Variants in ACYP2 observed in about 807,000 individuals in gnomAD.
ACYP2 encodes the protein acylphosphatase 2, also known as acylphosphatase-2.
In ACYP2, 12 loss-of-function variants were observed where a neutral mutation model predicts 11.2. The ratio of observed to expected loss-of-function variants is 1.08; its 90% confidence interval spans 0.69 to 1.74. The LOEUF (loss-of-function observed/expected upper bound fraction) is 1.74. Among genes scored for constraint, ACYP2 ranks in the 40% most tolerant of loss-of-function variants. The pLI is 0.00. For missense variants in ACYP2, 134 were observed against 101.9 expected, an observed-to-expected ratio of 1.31 and a Z score of -1.35; for synonymous variants, 43 against 32.2, an observed-to-expected ratio of 1.33 and a Z score of -1.13.
intron 6 of ACYP2, among the ~76,000 whole-genome samples, chr2:54,201,680 T>TTCTTTCTCTCTCTC (rs1395606887): frequency 6.5e-5 from 7 of 107,294 alleles, no homozygotes; most frequent in African/African-American, 2.2e-4. Flanking sequence ...CTTTCTTTCT[T>TTCTTTCTCTCTCTC]TCTCTCTCTC....
chr2:54,150,776 C>T (rs1165976811), intron 6 of ACYP2, among the ~76,000 whole-genome samples: 2 of 135,902 alleles, frequency 1.5e-5, no homozygotes, highest in Non-Finnish European at 3.1e-5. Context: ...GAGTCTTGCT[C>T]TGTCGCCCAG....
chr2:54,303,652 T>G (rs764918275), intron 6 of ACYP2, among the ~76,000 whole-genome samples: 8 of 152,240 alleles, frequency 5.3e-5, no homozygotes, highest in Non-Finnish European at 1.2e-4. Flanking sequence ...ATTGGAATTC[T>G]TCTCTATAAA....
chr2:53,975,628 C>G (rs561858493), intron 2 of ACYP2, among the ~76,000 whole-genome samples: 1 of 152,176 alleles, frequency 6.6e-6, no homozygotes, highest in South Asian at 2.1e-4. Context: ...GTCAGGAGAT[C>G]AAGAGCATCC....
At chr2:54,140,029 C>T (rs930320617) in intron 6 of ACYP2, among the ~76,000 whole-genome samples, 2 of 152,036 alleles carry the variant, frequency 1.3e-5, no homozygotes, top group Non-Finnish European at 2.9e-5. Flanking sequence ...TAAATGTTTA[C>T]GTGCATACTT....
chr2:54,264,421 C>T (rs1687923938), intron 6 of ACYP2, among the ~76,000 whole-genome samples: 1 of 152,176 alleles, frequency 6.6e-6, no homozygotes, highest in Non-Finnish European at 1.5e-5. Flanking sequence ...TCTAGCTAGG[C>T]AGAAAAGTTT....
intron 6 of ACYP2, among the ~76,000 whole-genome samples, chr2:54,226,386 T>C (rs951333668): frequency 6.6e-6 from 1 of 152,258 alleles, no homozygotes; most frequent in Non-Finnish European, 1.5e-5. Context: ...TATTACTGGC[T>C]GTAGGCAGTC....
intron 2 of ACYP2, among the ~76,000 whole-genome samples, chr2:53,984,772 CCAAAA>C (rs757214701): frequency 2.4e-4 from 37 of 151,752 alleles, no homozygotes; most frequent in Non-Finnish European, 4.4e-4. Context: ...GCAAGACAAA[CCAAAA>C]CAAAACAAAA....
intron 6 of ACYP2, among the ~76,000 whole-genome samples, chr2:54,207,906 G>A (rs895177428): frequency 6.6e-6 from 1 of 152,188 alleles, no homozygotes; most frequent in Admixed American, 6.5e-5. Flanking sequence ...CGCATACTTA[G>A]AAGAGCGGCC....
At chr2:54,254,871 C>A (rs757861822) in intron 6 of ACYP2, 1 of 1,569,526 alleles carries the variant, frequency 6.4e-7, no homozygotes. Flanking sequence ...TCAGGTCCAG[C>A]TGGTGGTGGC....
At chr2:54,044,292 G>A (rs900577072) in intron 2 of ACYP2, among the ~76,000 whole-genome samples, 1 of 152,190 alleles carries the variant, frequency 6.6e-6, no homozygotes, top group Non-Finnish European at 1.5e-5. Flanking sequence ...GTTTTGGAAA[G>A]CTTTTCAAAA....
At chr2:54,242,802 A>T (rs1473963093) in intron 6 of ACYP2, among the ~76,000 whole-genome samples, 2 of 152,224 alleles carry the variant, frequency 1.3e-5, no homozygotes, top group Non-Finnish European at 2.9e-5. Context: ...GTGGGTAGTA[A>T]GCTATACCAT....
chr2:54,018,816 C>T (rs13401851), intron 2 of ACYP2, among the ~76,000 whole-genome samples: 3,183 of 152,144 alleles, frequency 0.021, 109 homozygotes, highest in African/African-American at 0.073. Flanking sequence ...GGCTCCATCT[C>T]GGCTCACTAC....
chr2:53,994,512 C>CAAA lies in ACYP2; in HGVS notation c.62+20703_62+20704insAAA, dbSNP rs759787287. Among the ~76,000 whole-genome samples, 8 of 30,512 alleles carry CAAA rather than the reference C, an allele frequency of 2.6e-4. 3 individuals carry two copies. Among genetic ancestry groups the CAAA allele is most frequent in the East Asian group, 1.6e-3 (1 of 616 alleles). The allele number at this position is 30,512 out of a possible 152,430, so 20.0% of individuals were successfully genotyped here. A position where few individuals can be genotyped will look rare whatever the true frequency, so the allele number is the denominator to read the frequency against. ...CCAGCCTGGGTGACAGAGTAAGACT[C>CAAA]AGAAAAAAAAAAAAAAAAAAGAGGA... On this transcript the variant is annotated intron_variant, in intron 2 of 6. Transcript: ENST00000607452.
chr2:54,109,476 A>T (rs1439058365), intron 4 of ACYP2, among the ~76,000 whole-genome samples: 1 of 152,098 alleles, frequency 6.6e-6, no homozygotes, highest in Non-Finnish European at 1.5e-5. Flanking sequence ...TGCTTGAGGG[A>T]TGGGTGCACC....
chr2:54,095,328 C>T (rs902013792), intron 4 of ACYP2, among the ~76,000 whole-genome samples: 1 of 152,252 alleles, frequency 6.6e-6, no homozygotes, highest in African/African-American at 2.4e-5. Context: ...CAATCTTTTC[C>T]CCACCTTTCC....
intron 4 of ACYP2, among the ~76,000 whole-genome samples, chr2:54,106,286 C>G (rs917502797): frequency 6.6e-6 from 1 of 151,916 alleles, no homozygotes; most frequent in Non-Finnish European, 1.5e-5. Context: ...ATGGGTTGCC[C>G]AGGCTGGCCT....
intron 6 of ACYP2, among the ~76,000 whole-genome samples, chr2:54,286,627 C>G (rs182401240): frequency 6.6e-6 from 1 of 152,214 alleles, no homozygotes; most frequent in Non-Finnish European, 1.5e-5. Flanking sequence ...CTTTGCTCAA[C>G]AGATAACTTT....
intron 4 of ACYP2, among the ~76,000 whole-genome samples, chr2:54,066,691 A>G (rs964491055): frequency 6.6e-6 from 1 of 152,200 alleles, no homozygotes; most frequent in Non-Finnish European, 1.5e-5. Context: ...TCTCTATTTA[A>G]TAGGGACAAA....
At chr2:54,163,104 T>G (rs1682797640) in intron 6 of ACYP2, among the ~76,000 whole-genome samples, 1 of 152,210 alleles carries the variant, frequency 6.6e-6, no homozygotes, top group Non-Finnish European at 1.5e-5. Flanking sequence ...AAGTTTGAGG[T>G]GGAGCCTGAT....
Sources: allele counts gnomAD v4.1 joint callset (sites outside exome capture counted in the v4.1 genomes callset), GRCh38; gene constraint gnomAD v4.1.1; transcripts MANE v1.5; gene names NCBI Gene and HGNC (gene_info 2026-07-23, HGNC 2026-07-21).